Variants in PTPN5 observed in about 807,000 individuals in gnomAD.
PTPN5 encodes the protein tyrosine-protein phosphatase non-receptor type 5.
PTPN5 carries 29 observed loss-of-function variants against 73.9 expected under a neutral mutation model. The observed-to-expected ratio is 0.39, with a 90% confidence interval of 0.29 to 0.54. The LOEUF (loss-of-function observed/expected upper bound fraction) is 0.54. Among genes scored for constraint, PTPN5 ranks in the 20% least tolerant of loss-of-function variants. The pLI, the probability that PTPN5 is intolerant of heterozygous loss-of-function variation, is 0.65. For missense variants in PTPN5, 652 were observed against 751.4 expected, an observed-to-expected ratio of 0.87 and a Z score of 1.55; for synonymous variants, 267 against 304.7, an observed-to-expected ratio of 0.88 and a Z score of 1.29.
Position 18,728,938 on chromosome 11 carries a change from T to C in PTPN5, c.1694A>G (p.Glu565Gly). ...AACCTTGTAGGAGAAGCGCAGTCAT[T>C]CTGGGGACTGGTGGGACAGCTGCTT... ...YEKQLSHQSPE is the reference protein window; with the variant it reads ...YEKQLSHQSPG Residue 565 changes from glutamate (E) to glycine (G), a missense_variant, in exon 15 of 15, where the codon GAA (glutamate) becomes GGA (glycine). Physicochemically the swap from Glu to Gly is moderately conservative, Grantham distance 98 (BLOSUM62 -2). Coordinates refer to ENST00000358540, the MANE Select transcript of PTPN5 (RefSeq NM_006906.2). This position sits in a 1 kb window ranked among gnomAD's most constrained non-coding sequence, Gnocchi z 4.1. 2 of 1,612,960 alleles carry C rather than the reference T, an allele frequency of 1.2e-6. No individual in the cohort carries two copies. The highest frequency in any genetic ancestry group is 1.7e-6 in the Non-Finnish European group (2 of 1,179,584).
At chr11:18,754,388 C>G (rs1218003286) in intron 3 of PTPN5, among the ~76,000 whole-genome samples, 1 of 152,200 alleles carries the variant, frequency 6.6e-6, no homozygotes, top group African/African-American at 2.4e-5. Flanking sequence ...AAGGAGACCC[C>G]TGAATCTCCT....
Position 18,729,593 on chromosome 11 carries a change from G to A in PTPN5, c.1491-27C>T, listed in dbSNP as rs1168089543. On this transcript the variant is annotated intron_variant, in intron 13 of 14. Transcript: ENST00000358540. The surrounding 1 kb of genome is among the most constrained non-coding windows in gnomAD (Gnocchi z 5.2). ...TGAGGGCCGAGGGGACCGGTGGGGTGAGGGGCAGGGCAGCCCAGCGGGTGG... is the reference window on the plus strand; with the variant it reads ...TGAGGGCCGAGGGGACCGGTGGGGTAAGGGGCAGGGCAGCCCAGCGGGTGG... 1 of 1,570,658 alleles carries A rather than the reference G, an allele frequency of 6.4e-7. No homozygotes were observed. The highest frequency in any genetic ancestry group is 1.1e-5 in the South Asian group (1 of 90,054).
chr11:18,750,213 T>C lies in PTPN5; in HGVS notation c.98-6014A>G, dbSNP rs542837938. ...GCTTTACATGTAGTAACACATTTAA[T>C]CCTCACAACAATCCCAGAAGGTAGG... On this transcript the variant is annotated intron_variant, in intron 3 of 14. Transcript: ENST00000358540. Among the ~76,000 whole-genome samples, 44 of 152,308 alleles carry C rather than the reference T, an allele frequency of 2.9e-4. 1 individual carries two copies. The South Asian group carries it at 8.9e-3, about 31-fold the overall frequency.
In PTPN5 at chr11:18,742,282, C is replaced by A. The variant is rs760532454; in HGVS notation, c.705G>T (p.Lys235Asn). 1 of 1,614,182 alleles carries A rather than the reference C, an allele frequency of 6.2e-7. No homozygotes were observed. Among genetic ancestry groups the A allele is most frequent in the Non-Finnish European group, 8.5e-7 (1 of 1,180,032 alleles). The change falls in exon 7 of 15, where the codon AAG (lysine) becomes AAT (asparagine). Residue 235 changes from lysine to asparagine, a missense_variant. Coordinates refer to ENST00000358540, the MANE Select transcript of PTPN5 (RefSeq NM_006906.2). The surrounding 1 kb of genome is among the most constrained non-coding windows in gnomAD (Gnocchi z 4.1). ...CCCACCTCTCCTGCAGACCCATGGACTTGACGGTGAGTGAGGTGGGGTCAG... is the reference window on the plus strand; with the variant it reads ...CCCACCTCTCCTGCAGACCCATGGAATTGACGGTGAGTGAGGTGGGGTCAG... ...PEADPTSLTV[K>N]SMGLQERRGS...
intron 1 of PTPN5, among the ~76,000 whole-genome samples, chr11:18,778,094 A>G (rs1340169290): frequency 6.6e-6 from 1 of 152,132 alleles, no homozygotes; most frequent in Non-Finnish European, 1.5e-5. Context: ...ATTTCAAGCT[A>G]TGATTGTGAA....
intron 3 of PTPN5, among the ~76,000 whole-genome samples, chr11:18,744,762 T>A (rs1849541000): frequency 6.6e-6 from 1 of 152,108 alleles, no homozygotes; most frequent in Admixed American, 6.5e-5. Flanking sequence ...TGCCGGAAAA[T>A]CTTGGTGTAG....
chr11:18,764,991 C>T (rs987081243), intron 3 of PTPN5, among the ~76,000 whole-genome samples: 1 of 152,174 alleles, frequency 6.6e-6, no homozygotes, highest in Non-Finnish European at 1.5e-5. Flanking sequence ...GGATTACAGG[C>T]ATGAGCCACC....
intron 3 of PTPN5, among the ~76,000 whole-genome samples, chr11:18,763,060 C>A (rs1850472352): frequency 6.6e-6 from 1 of 152,168 alleles, no homozygotes; most frequent in Non-Finnish European, 1.5e-5. Flanking sequence ...CAGAGAGGTC[C>A]TTGCCTTCAG....
chr11:18,783,483 CCA>C (rs1851534907), intron 1 of PTPN5, among the ~76,000 whole-genome samples: 1 of 152,188 alleles, frequency 6.6e-6, no homozygotes, highest in African/African-American at 2.4e-5. Context: ...TCCTGTGTTC[CCA>C]CAGCCCTACA....
chr11:18,745,353 C>T (rs1283940262), intron 3 of PTPN5, among the ~76,000 whole-genome samples: 1 of 152,194 alleles, frequency 6.6e-6, no homozygotes, highest in Non-Finnish European at 1.5e-5. Flanking sequence ...CTGAGCACCT[C>T]CCATGGCCTG....
chr11:18,740,521 G>T, intron 8 of PTPN5, 82 bp downstream of exon 8: 1 of 1,271,270 alleles, frequency 7.9e-7, no homozygotes, highest in South Asian at 2.6e-5. Context: ...CTGAGTTCCA[G>T]GCACCACGCT....
At chr11:18,791,061 C>T (rs1485040942) in intron 1 of PTPN5, among the ~76,000 whole-genome samples, 1 of 152,022 alleles carries the variant, frequency 6.6e-6, no homozygotes, top group Admixed American at 6.5e-5. Context: ...GGGTGGGACG[C>T]GGGAGGCTAA....
Position 18,729,448 on chromosome 11 carries a change from C to A in PTPN5, c.1604+5G>T. On this transcript the variant is annotated splice_donor_5th_base_variant and intron_variant, in intron 14 of 14. Coordinates refer to ENST00000358540, the MANE Select transcript of PTPN5 (RefSeq NM_006906.2). The surrounding 1 kb of genome is among the most constrained non-coding windows in gnomAD (Gnocchi z 5.2). ...GTGTGTCCCCACTCCCGCCCGTGGG[C>A]TGACCTGTCCTGACGGAGCTGGCAC... The A allele has an allele frequency of 7.0e-7, 1 of 1,426,762 alleles. No homozygotes were observed. Among genetic ancestry groups the A allele is most frequent in the Non-Finnish European group, 9.9e-7 (1 of 1,013,726 alleles). The allele number at this position is 1,426,762 out of a possible 1,614,324, so 88.4% of individuals were successfully genotyped here. A position where few individuals can be genotyped will look rare whatever the true frequency, so the allele number is the denominator to read the frequency against.
chr11:18,770,853 C>A (rs766277406), intron 2 of PTPN5, among the ~76,000 whole-genome samples: 13 of 152,276 alleles, frequency 8.5e-5, no homozygotes, highest in Admixed American at 5.2e-4. Context: ...AAGTTCACGG[C>A]CAGTGCAGAA....
intron 3 of PTPN5, among the ~76,000 whole-genome samples, chr11:18,751,410 AG>A (rs1435430032): frequency 5.3e-5 from 8 of 152,208 alleles, no homozygotes; most frequent in African/African-American, 1.9e-4. Context: ...GAAGCCCTGG[AG>A]GAAAAAATTT....
intron 3 of PTPN5, among the ~76,000 whole-genome samples, chr11:18,762,935 C>T (rs1850466934): frequency 6.6e-6 from 1 of 152,208 alleles, no homozygotes; most frequent in Non-Finnish European, 1.5e-5. Context: ...GTTTGGATTT[C>T]TGTTCAATCT....
At chr11:18,762,029 G>A (rs976812145) in intron 3 of PTPN5, among the ~76,000 whole-genome samples, 5 of 152,242 alleles carry the variant, frequency 3.3e-5, no homozygotes, top group African/African-American at 7.2e-5. Context: ...GAGAGCACAT[G>A]TGGGGGGTGT....
rs114951326 is a variant in PTPN5, at chr11:18,735,542, G to A, written c.1001-1907C>T. On this transcript the variant is annotated intron_variant, in intron 9 of 14. Transcript: ENST00000358540. ...TTAGAAAGCTGGATTTAGGCCGGGC[G>A]TGGTGGCTCAAGCCTGTAAGCCCAG... Among the ~76,000 whole-genome samples the A allele has an allele frequency of 3.7e-3, 568 of 152,250 alleles. 5 individuals are homozygous for A. Among genetic ancestry groups the A allele is most frequent in the African/African-American group, 0.013 (521 of 41,554 alleles).
intron 3 of PTPN5, among the ~76,000 whole-genome samples, chr11:18,747,986 T>G (rs897605466): frequency 6.6e-6 from 1 of 152,128 alleles, no homozygotes; most frequent in South Asian, 2.1e-4. Flanking sequence ...TAGAGGTGAT[T>G]TCATTTACAT....
Sources: gnomAD v4.1 joint callset for allele counts (sites outside exome capture counted in the v4.1 genomes callset) on GRCh38, gnomAD v4.1.1 for gene constraint, Gnocchi (gnomAD v3.1) non-coding constraint, MANE v1.5 for transcripts, NCBI Gene and HGNC (gene_info 2026-07-23, HGNC 2026-07-21) for gene names.